Variants in MAGEL2 observed in about 807,000 individuals in gnomAD.
MAGEL2 encodes the protein MAGE-like protein 2.
For missense variants in MAGEL2, 1,830 were observed against 1,699.2 expected (o/e 1.08, Z -1.35); for synonymous variants, 792 against 721.7 (o/e 1.10, Z -1.56).
Position 23,646,092 on chromosome 15 carries a change from C to T in MAGEL2, c.1651G>A (p.Val551Ile), listed in dbSNP as rs1303079755. The change falls in exon 1 of 1, where the codon GTA (valine) becomes ATA (isoleucine). Residue 551 changes from valine to isoleucine, a missense_variant. Physicochemically the swap from Val to Ile is conservative, Grantham distance 29. Coordinates refer to ENST00000650528, the MANE Select transcript of MAGEL2 (RefSeq NM_019066.5). The surrounding 1 kb of genome is among the most constrained non-coding windows in gnomAD (Gnocchi z 4.2). The part of the protein sequence containing the change: ...QVPTAPPATQ[V>I]PAAPPAGPQV... ...GGGCCAGCGGGCGGCGCCGCGGGTA[C>T]CTGCGTAGCAGGTGGGGCCGTAGGC... 3 of 1,443,698 alleles carry T rather than the reference C, an allele frequency of 2.1e-6. No homozygotes were observed. The highest frequency in any genetic ancestry group is 2.7e-6 in the Non-Finnish European group (3 of 1,106,570). 89.4% of individuals were successfully genotyped at this position (1,443,698 alleles called of 1,614,324 possible).
chr15:23,645,355 A>G lies in MAGEL2; in HGVS notation c.2388T>C (p.Phe796=). 1 of 1,614,006 alleles carries G rather than the reference A, an allele frequency of 6.2e-7. No homozygotes were observed. Among genetic ancestry groups the G allele is most frequent in the Non-Finnish European group, 8.5e-7 (1 of 1,179,880 alleles). ...SSSVFPATSQ[F]QPASLNAFKG... Reference sequence around the variant, plus strand: ...TAAAGGCATTCAGAGAGGCAGGCTGAAACTGGGAGGTAGCTGGGAAGACAC... The same window carrying G: ...TAAAGGCATTCAGAGAGGCAGGCTGGAACTGGGAGGTAGCTGGGAAGACAC... Residue 796 remains phenylalanine (F), a synonymous_variant, in exon 1 of 1, where the codon TTT becomes TTC. Coordinates refer to ENST00000650528, the MANE Select transcript of MAGEL2 (RefSeq NM_019066.5).
rs376791514 is a variant in MAGEL2, at chr15:23,644,926, G to A, written c.2817C>T (p.Thr939=). The change falls in exon 1 of 1, where the codon ACC becomes ACT. Residue 939 remains threonine, a synonymous_variant. Coordinates refer to ENST00000650528, the MANE Select transcript of MAGEL2 (RefSeq NM_019066.5). Reference sequence around the variant, plus strand: ...CCTCCCAACCACTCAGGCCACGGGGGGTGTTTGGGTGCTCCCAGTCACCCG... The same window carrying A: ...CCTCCCAACCACTCAGGCCACGGGGAGTGTTTGGGTGCTCCCAGTCACCCG... The part of the protein sequence containing the change: ...QVSGDWEHPN[T]PRGLSGWEGP... The A allele has an allele frequency of 8.7e-5, 140 of 1,613,390 alleles. No individual in the cohort carries two copies. Among genetic ancestry groups the A allele is most frequent in the Non-Finnish European group, 1.2e-4 (138 of 1,179,880 alleles).
At position 23,644,241 on chromosome 15, in the gene MAGEL2, C is replaced by G. The variant is rs776641626; in HGVS notation, c.3502G>C (p.Glu1168Gln). The G allele has an allele frequency of 1.2e-6, 2 of 1,613,826 alleles. No individual in the cohort carries two copies. The highest frequency in any genetic ancestry group is 1.7e-6 in the Non-Finnish European group (2 of 1,179,888). The change falls in exon 1 of 1, where the codon GAG becomes CAG. Residue 1168 changes from glutamate (E) to glutamine (Q), a missense_variant. Glu to Gln is a conservative substitution (Grantham distance 29, BLOSUM62 2). Transcript: ENST00000650528. ...TEVFVRQKYLEYRRIPYTEPA... is the reference protein window; with the variant it reads ...TEVFVRQKYLQYRRIPYTEPA... ...TCAGTGTAAGGGATTCGCCTGTACT[C>G]TAGGTACTTCTGCCTGACAAACACT...
Position 23,647,360 on chromosome 15 carries a change from A to G in MAGEL2, c.383T>C (p.Leu128Pro), listed in dbSNP as rs191559595. 1.4e-3 allele frequency: 2,129 copies of G among 1,534,806 alleles called. 21 individuals carry two copies. The African/African-American group carries it at 0.027, about 19-fold the overall frequency. The change falls in exon 1 of 1, where the codon CTG (leucine) becomes CCG (proline). Residue 128 changes from leucine to proline, a missense_variant. Physicochemically the swap from Leu to Pro is moderately conservative, Grantham distance 98 (BLOSUM62 -3). Transcript: ENST00000650528. ...PMAQPPTPGV[L>P]MVHPSAPGAP... ...TCCGGGAGCTGAAGGATGCACCATCAGGACTCCCGGGGTCGGAGGCTGGGC... is the reference window on the plus strand; with the variant it reads ...TCCGGGAGCTGAAGGATGCACCATCGGGACTCCCGGGGTCGGAGGCTGGGC...
rs1259714964 is a variant in MAGEL2, at chr15:23,647,645, G to T, written c.98C>A (p.Pro33Gln). The stretch of plus-strand genomic sequence containing the variant: ...TGGCGGAGCCCGGGAGGAAGCGGGC[G>T]GGGCCCGCATCAGAACCGTAGGGCG... ...YSRPTVLMRA[P>Q]PASSRAPPVP... is the part of the protein sequence containing the mutation. Residue 33 changes from proline (P) to glutamine (Q), a missense_variant, in exon 1 of 1, where the codon CCG (proline) becomes CAG (glutamine). Transcript: ENST00000650528. 3 of 1,536,438 alleles carry T rather than the reference G, an allele frequency of 2.0e-6. No homozygotes were observed. The highest frequency in any genetic ancestry group is 2.4e-5 in the South Asian group (2 of 83,964).
In MAGEL2 at chr15:23,647,485, C is replaced by T. The variant is rs1890445398; in HGVS notation, c.258G>A (p.Gly86=). 8 of 1,532,464 alleles carry T rather than the reference C, an allele frequency of 5.2e-6. No homozygotes were observed. The highest frequency in any genetic ancestry group is 6.1e-6 in the Non-Finnish European group (7 of 1,145,164). The allele number at this position is 1,532,464 out of a possible 1,614,324, so 94.9% of individuals were successfully genotyped here. Residue 86 remains glycine, a synonymous_variant, in exon 1 of 1, where the codon GGG becomes GGA. Transcript: ENST00000650528. ...VVPMTQPPAL[G]GPIVPAPPLG... is the part of the protein sequence containing the mutation. ...GCGGGGGAGCCGGGACTATCGGGCC[C>T]CCTAGGGCAGGAGGCTGGGTCATCG...
rs895432068 is a variant in MAGEL2 at position 23,643,606 on chromosome 15, T to G, written c.*387A>C. The stretch of plus-strand genomic sequence containing the variant: ...TAGATATTTACTTCTCTGTAGACAG[T>G]TTTTACTGATGAGTCATTTGAACGT... On this transcript the variant is annotated 3_prime_UTR_variant, in exon 1 of 1. Transcript: ENST00000650528. The G allele has an allele frequency of 6.0e-6, 1 of 166,348 alleles. No individual in the cohort carries two copies. The highest frequency in any genetic ancestry group is 2.4e-5 in the African/African-American group (1 of 42,008). The allele number at this position is 166,348 out of a possible 1,614,324, so 10.3% of individuals were successfully genotyped here.
In MAGEL2 at chr15:23,645,861, G is replaced by T. The variant is rs1249359205; in HGVS notation, c.1882C>A (p.Gln628Lys). 7.6e-6 allele frequency: 12 copies of T among 1,578,828 alleles called. No individual in the cohort carries two copies. The highest frequency in any genetic ancestry group is 1.7e-4 in the Middle Eastern group (1 of 6,026). The change falls in exon 1 of 1, where the codon CAG (glutamine) becomes AAG (lysine). Residue 628 changes from glutamine to lysine, a missense_variant. Gln to Lys is a moderately conservative substitution (Grantham distance 53). Coordinates refer to ENST00000650528, the MANE Select transcript of MAGEL2 (RefSeq NM_019066.5). ...TGGGCCTCCTGGGCAGGCAGGGGCT[G>T]CCAGATGTGAGTGGGGGCCTTCTGG... The part of the protein sequence containing the change: ...QAQKAPTHIW[Q>K]PLPAQEAQRQ...
At position 23,644,976 on chromosome 15, in the gene MAGEL2, C is replaced by T. The variant is rs1237560243; in HGVS notation, c.2767G>A (p.Glu923Lys). The stretch of plus-strand genomic sequence containing the variant: ...GAGACCTGGATAGGGCTTTGGACCT[C>T]CCAGTCACTCAGATTTAGATTCTCC... ...PWENLNLSDW[E>K]VQSPIQVSGD... Residue 923 changes from glutamate (E) to lysine (K), a missense_variant, in exon 1 of 1, where the codon GAG becomes AAG. Glu to Lys is a moderately conservative substitution (Grantham distance 56). Coordinates refer to ENST00000650528, the MANE Select transcript of MAGEL2 (RefSeq NM_019066.5). 9 of 1,613,728 alleles carry T rather than the reference C, an allele frequency of 5.6e-6. No individual in the cohort carries two copies. Among genetic ancestry groups the T allele is most frequent in the Non-Finnish European group, 6.8e-6 (8 of 1,179,886 alleles).
At position 23,647,424 on chromosome 15, in the gene MAGEL2, C is replaced by A. The variant is rs922355971; in HGVS notation, c.319G>T (p.Val107Phe). Residue 107 changes from valine to phenylalanine, a missense_variant, in exon 1 of 1, where the codon GTC (valine) becomes TTC (phenylalanine). Coordinates refer to ENST00000650528, the MANE Select transcript of MAGEL2 (RefSeq NM_019066.5). ...GGAGGTGGAGGATGCACCATCAGGACCCCGGGAGTCGGAGGCTTACCCATC... is the reference window on the plus strand; with the variant it reads ...GGAGGTGGAGGATGCACCATCAGGAACCCGGGAGTCGGAGGCTTACCCATC... ...GPMGKPPTPG[V>F]LMVHPPPPGA... is the part of the protein sequence containing the mutation. 5 of 1,536,152 alleles carry A rather than the reference C, an allele frequency of 3.3e-6. No individual in the cohort carries two copies. The highest frequency in any genetic ancestry group is 4.4e-6 in the Non-Finnish European group (5 of 1,146,766).
rs1262064617 is a variant in MAGEL2 at position 23,646,767 on chromosome 15, T to A, written c.976A>T (p.Met326Leu). ...AQPMAPPAQP[M>L]ASWAPQAQPL... The stretch of plus-strand genomic sequence containing the variant: ...TGAGCCTGCGGGGCCCAAGAAGCCA[T>A]CGGCTGTGCAGGTGGGGCCATCGGC... The change falls in exon 1 of 1, where the codon ATG (methionine) becomes TTG (leucine). Residue 326 changes from methionine to leucine, a missense_variant. By Grantham distance (15) the Met-to-Leu change is conservative. Transcript: ENST00000650528. This position sits in a 1 kb window ranked among gnomAD's most constrained non-coding sequence, Gnocchi z 4.2. 1 of 1,532,812 alleles carries A rather than the reference T, an allele frequency of 6.5e-7. No homozygotes were observed. The highest frequency in any genetic ancestry group is 1.2e-5 in the South Asian group (1 of 83,944). 95.0% of individuals were successfully genotyped at this position (1,532,812 alleles called of 1,614,324 possible).
chr15:23,645,218 A>G lies in MAGEL2; in HGVS notation c.2525T>C (p.Met842Thr). 1 of 1,613,932 alleles carries G rather than the reference A, an allele frequency of 6.2e-7. No individual in the cohort carries two copies. Among genetic ancestry groups the G allele is most frequent in the Non-Finnish European group, 8.5e-7 (1 of 1,179,902 alleles). Residue 842 changes from methionine (M) to threonine (T), a missense_variant, in exon 1 of 1, where the codon ATG (methionine) becomes ACG (threonine). Met to Thr is a moderately conservative substitution (Grantham distance 81, BLOSUM62 -1). Transcript: ENST00000650528. ...TGCCTGCGATGCCTTTGAGGCATTC[A>G]TATTGGGCTGTGGGACCCATGGAAC... ...PAVPWVPQPN[M>T]NASKASQAVP...
rs1890324497 is a variant in MAGEL2 at position 23,643,552 on chromosome 15, T to C, written c.*441A>G. 2 of 152,864 alleles carry C rather than the reference T, an allele frequency of 1.3e-5. No homozygotes were observed. The highest frequency in any genetic ancestry group is 2.9e-5 in the Non-Finnish European group (2 of 68,500). The allele number at this position is 152,864 out of a possible 1,614,324, so 9.5% of individuals were successfully genotyped here. On this transcript the variant is annotated 3_prime_UTR_variant, in exon 1 of 1. Coordinates refer to ENST00000650528, the MANE Select transcript of MAGEL2 (RefSeq NM_019066.5). Reference sequence around the variant, plus strand: ...AGAATAAAGACAAACACTTCTGTTATGCTGAAAGTATATTTATATATATAG... The same window carrying C: ...AGAATAAAGACAAACACTTCTGTTACGCTGAAAGTATATTTATATATATAG...
At position 23,645,287 on chromosome 15, in the gene MAGEL2, T is replaced by C. The variant is rs369197909; in HGVS notation, c.2456A>G (p.Tyr819Cys). The C allele has an allele frequency of 1.8e-5, 29 of 1,613,852 alleles. No homozygotes were observed. The highest frequency in any genetic ancestry group is 2.4e-5 in the Non-Finnish European group (28 of 1,179,898). ...AASETPKSLP[Y>C]ALQDPFACVE... ...ACAGGCAAAGGGATCCTGCAGAGCA[T>C]ATGGCAGTGACTTTGGGGTCTCTGA... Residue 819 changes from tyrosine (Y) to cysteine (C), a missense_variant, in exon 1 of 1, where the codon TAT becomes TGT. Transcript: ENST00000650528.
rs527396971 is a variant in MAGEL2 at position 23,644,906 on chromosome 15, C to G, written c.2837G>C (p.Trp946Ser). 1 of 1,613,260 alleles carries G rather than the reference C, an allele frequency of 6.2e-7. No homozygotes were observed. Among genetic ancestry groups the G allele is most frequent in the South Asian group, 1.1e-5 (1 of 91,076 alleles). ...GATCCTGGAGGTGCTAGGGCCCTCC[C>G]AACCACTCAGGCCACGGGGGGTGTT... is the stretch of plus-strand genomic sequence containing the variant. ...HPNTPRGLSG[W>S]EGPSTSRILS... The change falls in exon 1 of 1, where the codon TGG becomes TCG. Residue 946 changes from tryptophan (W) to serine (S), a missense_variant. Coordinates refer to ENST00000650528, the MANE Select transcript of MAGEL2 (RefSeq NM_019066.5).
chr15:23,647,708 C>T lies in MAGEL2; in HGVS notation c.35G>A (p.Ser12Asn), dbSNP rs1890452500. ...SQLSKNLGDS[S>N]PPAEAPKPPV... ...CGGCTTCGGGGCCTCCGCCGGAGGA[C>T]TCGAGTCACCCAGATTCTTACTTAG... The change falls in exon 1 of 1, where the codon AGT (serine) becomes AAT (asparagine). Residue 12 changes from serine to asparagine, a missense_variant. Ser to Asn is a conservative substitution (Grantham distance 46). Transcript: ENST00000650528. 2.7e-6 allele frequency: 4 copies of T among 1,481,546 alleles called. No homozygotes were observed. Among genetic ancestry groups the T allele is most frequent in the South Asian group, 1.3e-5 (1 of 75,800 alleles). The allele number at this position is 1,481,546 out of a possible 1,614,324, so 91.8% of individuals were successfully genotyped here.
rs1183336918 is a variant in MAGEL2 at position 23,647,474 on chromosome 15, A to G, written c.269T>C (p.Val90Ala). Residue 90 changes from valine to alanine, a missense_variant, in exon 1 of 1, where the codon GTC (valine) becomes GCC (alanine). Coordinates refer to ENST00000650528, the MANE Select transcript of MAGEL2 (RefSeq NM_019066.5). ...CGGGCCCCCCAGCGGGGGAGCCGGG[A>G]CTATCGGGCCCCCTAGGGCAGGAGG... The part of the protein sequence containing the change: ...TQPPALGGPI[V>A]PAPPLGGPMG... 5 of 1,533,414 alleles carry G rather than the reference A, an allele frequency of 3.3e-6. No homozygotes were observed. Among genetic ancestry groups the G allele is most frequent in the African/African-American group, 1.4e-5 (1 of 72,926 alleles). The allele number at this position is 1,533,414 out of a possible 1,614,324, so 95.0% of individuals were successfully genotyped here.
Position 23,643,990 on chromosome 15 carries a change from C to G in MAGEL2, c.*3G>C. ...CACAGGAGCGAGATCTCTGCTACAC[C>G]TATTAGCGGGGAGGGGGCCTGCTGG... On this transcript the variant is annotated 3_prime_UTR_variant, in exon 1 of 1. Coordinates refer to ENST00000650528, the MANE Select transcript of MAGEL2 (RefSeq NM_019066.5). The G allele has an allele frequency of 6.3e-7, 1 of 1,586,322 alleles. No homozygotes were observed. Among genetic ancestry groups the G allele is most frequent in the Non-Finnish European group, 8.6e-7 (1 of 1,164,316 alleles).
rs1455591080 is a variant in MAGEL2 at position 23,646,724 on chromosome 15, A to G, written c.1019T>C (p.Ile340Thr). Reference sequence around the variant, plus strand: ...AGGAGCCCTTATAACTTGAGACTGGATTTGCAGGATCAGAGGCTGAGCCTG... The same window carrying G: ...AGGAGCCCTTATAACTTGAGACTGGGTTTGCAGGATCAGAGGCTGAGCCTG... ...APQAQPLILQ[I>T]QSQVIRAPPQ... Residue 340 changes from isoleucine to threonine, a missense_variant, in exon 1 of 1, where the codon ATC (isoleucine) becomes ACC (threonine). Transcript: ENST00000650528. This position sits in a 1 kb window ranked among gnomAD's most constrained non-coding sequence, Gnocchi z 4.2. 6.5e-7 allele frequency: 1 copy of G among 1,532,536 alleles called. No individual in the cohort carries two copies. Among genetic ancestry groups the G allele is most frequent in the Admixed American group, 2.0e-5 (1 of 50,764 alleles). The allele number at this position is 1,532,536 out of a possible 1,614,324, so 94.9% of individuals were successfully genotyped here.
Sources: gnomAD v4.1 joint callset for allele counts on GRCh38, gnomAD v4.1.1 for gene constraint, Gnocchi (gnomAD v3.1) non-coding constraint, MANE v1.5 for transcripts, NCBI Gene and HGNC (gene_info 2026-07-23, HGNC 2026-07-21) for gene names.